Variants in CDK14 observed in about 807,000 individuals in gnomAD.
CDK14 encodes the protein cyclin dependent kinase 14.
CDK14 carries 34 observed loss-of-function variants against 60.7 expected under a neutral mutation model. The observed-to-expected ratio is 0.56, with a 90% CI of 0.43 to 0.75. The LOEUF is 0.75. Ranked by LOEUF, CDK14 falls within the 30% of genes least tolerant of loss-of-function variation. The pLI is 0.00. For synonymous variants in CDK14, 197 were observed against 203.7 expected (o/e 0.97, Z 0.28); for missense variants, 482 against 564.1 (o/e 0.85, Z 1.47).
At chr7:91,116,196 C>T (rs1799605562) in intron 13 of CDK14, among the ~76,000 whole-genome samples, 1 of 152,210 alleles carries the variant, frequency 6.6e-6, no homozygotes, top group Non-Finnish European at 1.5e-5. Context: ...AGCTGAACTA[C>T]CCTTGTCAAA....
intron 14 of CDK14, among the ~76,000 whole-genome samples, chr7:91,183,286 A>G (rs1233747662): frequency 6.6e-6 from 1 of 152,242 alleles, no homozygotes; most frequent in Non-Finnish European, 1.5e-5. Context: ...CAGTCATATA[A>G]GCACATGTGT....
intron 2 of CDK14, among the ~76,000 whole-genome samples, chr7:90,673,499 G>A: frequency 6.7e-6 from 1 of 149,656 alleles, no homozygotes; most frequent in Non-Finnish European, 1.5e-5. Flanking sequence ...ACGGCTCACT[G>A]CAGCCTCAAC....
intron 12 of CDK14, among the ~76,000 whole-genome samples, chr7:91,080,978 G>A (rs1456251902): frequency 6.6e-6 from 1 of 152,120 alleles, no homozygotes; most frequent in Non-Finnish European, 1.5e-5. Flanking sequence ...CTGAGCTTGA[G>A]GTAAGATTTT....
At chr7:90,867,729 G>A (rs917956334) in intron 6 of CDK14, among the ~76,000 whole-genome samples, 43 of 152,112 alleles carry the variant, frequency 2.8e-4, no homozygotes, top group Admixed American at 2.8e-3. Context: ...GTTGCAGAGA[G>A]CTACCGCACA....
chr7:90,743,588 T>C (rs1389060618), intron 3 of CDK14, among the ~76,000 whole-genome samples: 4 of 152,182 alleles, frequency 2.6e-5, no homozygotes, highest in Admixed American at 6.5e-5. Context: ...CGATTAGTAG[T>C]GTATGCTTGT....
intron 2 of CDK14, among the ~76,000 whole-genome samples, chr7:90,664,683 G>A (rs371953628): frequency 7.9e-5 from 12 of 151,170 alleles, no homozygotes; most frequent in Non-Finnish European, 8.8e-5. Context: ...GCAAACTATC[G>A]CAAGGACAAA....
Position 91,207,317 on chromosome 7 carries a change from T to C in CDK14, c.*181T>C, listed in dbSNP as rs1802934565. 6.6e-6 allele frequency: 1 copy of C among 152,218 alleles called. No individual in the cohort carries two copies. The allele number at this position is 152,218 out of a possible 1,614,324, so 9.4% of individuals were successfully genotyped here. Reference sequence around the variant, plus strand: ...TGGCAAGACCCTGTTTTCTCTGCAATTTATTTAAAACCTTGCACGCATTTG... The same window carrying C: ...TGGCAAGACCCTGTTTTCTCTGCAACTTATTTAAAACCTTGCACGCATTTG... On this transcript the variant is annotated 3_prime_UTR_variant, in exon 15 of 15. Coordinates refer to ENST00000380050, the MANE Select transcript of CDK14 (RefSeq NM_001287135.2).
At chr7:90,639,980 G>A (rs1018859498) in intron 2 of CDK14, among the ~76,000 whole-genome samples, 1 of 152,162 alleles carries the variant, frequency 6.6e-6, no homozygotes, top group African/African-American at 2.4e-5. Context: ...GAAAAGCGCA[G>A]TATTCGGGTG....
At chr7:90,624,116 G>A (rs897654384) in intron 2 of CDK14, among the ~76,000 whole-genome samples, 2 of 152,142 alleles carry the variant, frequency 1.3e-5, no homozygotes, top group African/African-American at 2.4e-5. Flanking sequence ...TTGTAGAGGT[G>A]GAAATTGTAC....
chr7:90,716,053 A>G (rs1802240086), intron 2 of CDK14, among the ~76,000 whole-genome samples: 1 of 151,920 alleles, frequency 6.6e-6, no homozygotes, highest in African/African-American at 2.4e-5. Flanking sequence ...TGGCATTTTA[A>G]CCAGCATATA....
chr7:91,118,170 G>A lies in CDK14; in HGVS notation c.1400G>A (p.Ser467Asn), dbSNP rs141334351. ...NNSYGKSLSN[S>N]KH ...AGTTATGGCAAAAGTCTATCAAACA[G>A]CAAGCACTGACAAGCAGCACATTCT... Residue 467 changes from serine (S) to asparagine (N), a missense_variant, in exon 14 of 15, where the codon AGC becomes AAC. By Grantham distance (46) the Ser-to-Asn change is conservative. Coordinates refer to ENST00000380050, the MANE Select transcript of CDK14 (RefSeq NM_001287135.2). 140 of 1,605,738 alleles carry A rather than the reference G, an allele frequency of 8.7e-5. No individual in the cohort carries two copies. The African/African-American group carries it at 1.7e-3, about 19-fold the overall frequency.
chr7:90,640,477 G>A (rs1400147417), intron 2 of CDK14, among the ~76,000 whole-genome samples: 1 of 152,154 alleles, frequency 6.6e-6, no homozygotes. Flanking sequence ...AAGACTTTAA[G>A]CATAAATGTA....
At chr7:90,783,515 G>A (rs1805432431) in intron 4 of CDK14, among the ~76,000 whole-genome samples, 3 of 151,988 alleles carry the variant, frequency 2.0e-5, no homozygotes, top group Admixed American at 2.0e-4. Context: ...AAACTGTTCA[G>A]CAGACAAGGG....
At chr7:90,965,402 G>A (rs1234910769) in intron 9 of CDK14, among the ~76,000 whole-genome samples, 1 of 152,196 alleles carries the variant, frequency 6.6e-6, no homozygotes, top group East Asian at 1.9e-4. Flanking sequence ...GTTAGACCAT[G>A]TTTCTGGAAA....
intron 2 of CDK14, among the ~76,000 whole-genome samples, chr7:90,669,755 GT>G (rs35369736): frequency 0.048 from 7,236 of 152,242 alleles, 203 homozygotes; most frequent in Non-Finnish European, 0.055. Flanking sequence ...AGATCTAGTG[GT>G]TGGAACTGAG....
chr7:90,737,309 G>A (rs190163189), intron 3 of CDK14, among the ~76,000 whole-genome samples: 2 of 152,238 alleles, frequency 1.3e-5, no homozygotes, highest in African/African-American at 2.4e-5. Context: ...TTAGGTTAAG[G>A]TCCTCTCTAC....
chr7:90,960,365 CT>C, intron 9 of CDK14, among the ~76,000 whole-genome samples: 1 of 152,194 alleles, frequency 6.6e-6, no homozygotes, highest in East Asian at 1.9e-4. Context: ...CTTTCATCAT[CT>C]TTTAAAAAGC....
chr7:90,676,958 T>TTA (rs398111578), intron 2 of CDK14, among the ~76,000 whole-genome samples: 2 of 151,822 alleles, frequency 1.3e-5, no homozygotes, highest in African/African-American at 4.8e-5. Context: ...TTTTTTTTTT[T>TTA]ATGTGTTTGG....
At chr7:90,636,271 T>G (rs1800146204) in intron 2 of CDK14, among the ~76,000 whole-genome samples, 1 of 152,230 alleles carries the variant, frequency 6.6e-6, no homozygotes, top group South Asian at 2.1e-4. Flanking sequence ...GGCTGTGGGT[T>G]TGTCATAGAT....
Sources: gnomAD v4.1 joint callset for allele counts (sites outside exome capture counted in the v4.1 genomes callset) on GRCh38, gnomAD v4.1.1 for gene constraint, MANE v1.5 for transcripts, NCBI Gene and HGNC (gene_info 2026-07-23, HGNC 2026-07-21) for gene names.